CADPS2: variants seen among roughly 807,000 people sequenced by gnomAD.
CADPS2 encodes calcium dependent secretion activator 2.
CADPS2 carries 93 observed loss-of-function variants against 172.5 expected under a neutral mutation model. That is an observed-to-expected ratio of 0.54 (90% CI 0.46 to 0.64). The LOEUF is 0.64. CADPS2 is among the 30% of genes least tolerant of loss of function. The pLI, the probability that CADPS2 is intolerant of heterozygous loss-of-function variation, is 0.00. For synonymous variants in CADPS2, 546 were observed against 555.2 expected, an observed-to-expected ratio of 0.98 and a Z score of 0.23; for missense variants, 1,420 against 1,565.9, an observed-to-expected ratio of 0.91 and a Z score of 1.57.
intron 20 of CADPS2, among the ~76,000 whole-genome samples, chr7:122,394,589 A>T (rs1323893595): frequency 6.6e-6 from 1 of 152,062 alleles, no homozygotes; most frequent in African/African-American, 2.4e-5. Context: ...GAAGACTTAA[A>T]GGGGAGGTTT....
At chr7:122,481,844 C>G (rs2057337119) in intron 11 of CADPS2, among the ~76,000 whole-genome samples, 1 of 152,078 alleles carries the variant, frequency 6.6e-6, no homozygotes, top group South Asian at 2.1e-4. Context: ...AACTCTGTCT[C>G]TACTAAAAAT....
At chr7:122,842,630 G>C (rs1488171398) in intron 1 of CADPS2, among the ~76,000 whole-genome samples, 1 of 151,990 alleles carries the variant, frequency 6.6e-6, no homozygotes, top group Non-Finnish European at 1.5e-5. Context: ...TATTGTATAA[G>C]AAAAACAAAT....
chr7:122,484,408 T>G (rs546495067), intron 11 of CADPS2, among the ~76,000 whole-genome samples: 1 of 152,008 alleles, frequency 6.6e-6, no homozygotes, highest in Admixed American at 6.6e-5. Context: ...CAGGGTACGA[T>G]AATCTCTTCA....
chr7:122,706,535 G>T (rs1020407393), intron 2 of CADPS2, among the ~76,000 whole-genome samples: 1 of 146,994 alleles, frequency 6.8e-6, no homozygotes, highest in Non-Finnish European at 1.5e-5. Context: ...TGGTTCAACT[G>T]GTTCAAAAAG....
intron 6 of CADPS2, among the ~76,000 whole-genome samples, chr7:122,609,019 C>G (rs2073960256): frequency 6.6e-6 from 1 of 151,964 alleles, no homozygotes; most frequent in Non-Finnish European, 1.5e-5. Context: ...GAGACTTCAT[C>G]TCTACAAAAA....
At chr7:122,335,798 G>C (rs950442608) in intron 28 of CADPS2, among the ~76,000 whole-genome samples, 1 of 152,138 alleles carries the variant, frequency 6.6e-6, no homozygotes, top group African/African-American at 2.4e-5. Flanking sequence ...AACAAATAGG[G>C]ATTATTTATC....
At chr7:122,544,582 T>A (rs2063435472) in intron 8 of CADPS2, among the ~76,000 whole-genome samples, 2 of 152,180 alleles carry the variant, frequency 1.3e-5, no homozygotes, top group Non-Finnish European at 2.9e-5. Context: ...GACTCATTCA[T>A]ATGCCTGAAA....
intron 1 of CADPS2, among the ~76,000 whole-genome samples, chr7:122,866,948 T>G (rs1451160764): frequency 6.6e-6 from 1 of 152,194 alleles, no homozygotes; most frequent in Non-Finnish European, 1.5e-5. Context: ...CACATCATGC[T>G]AGCCACCCTG....
chr7:122,668,047 G>A (rs1013136660), intron 2 of CADPS2, among the ~76,000 whole-genome samples: 3 of 152,034 alleles, frequency 2.0e-5, no homozygotes, highest in African/African-American at 7.3e-5. Context: ...CAGCACCAAG[G>A]GTAGACAACA....
chr7:122,750,367 T>C (rs561230453), intron 1 of CADPS2, among the ~76,000 whole-genome samples: 1 of 152,306 alleles, frequency 6.6e-6, no homozygotes, highest in East Asian at 1.9e-4. Flanking sequence ...GAATCCATTA[T>C]TTAACTAAAA....
intron 1 of CADPS2, among the ~76,000 whole-genome samples, chr7:122,820,963 C>A (rs1317986119): frequency 6.6e-6 from 1 of 151,658 alleles, no homozygotes; most frequent in Non-Finnish European, 1.5e-5. Context: ...AACTCACTCT[C>A]TACAGTTCTC....
chr7:122,738,078 G>T (rs2092277031), intron 1 of CADPS2, among the ~76,000 whole-genome samples: 1 of 152,044 alleles, frequency 6.6e-6, no homozygotes, highest in South Asian at 2.1e-4. Context: ...TCTGAACTGG[G>T]GAAGTTTACA....
chr7:122,786,435 G>C (rs574297145), intron 1 of CADPS2, among the ~76,000 whole-genome samples: 5 of 152,168 alleles, frequency 3.3e-5, no homozygotes, highest in Non-Finnish European at 7.3e-5. Context: ...ATAAATTATA[G>C]ATGTTCAGCT....
chr7:122,556,433 CACTT>C (rs1242705847), intron 7 of CADPS2, among the ~76,000 whole-genome samples: 1 of 152,116 alleles, frequency 6.6e-6, no homozygotes, highest in Non-Finnish European at 1.5e-5. Flanking sequence ...TGGCATGAGC[CACTT>C]ACAGACTTTA....
intron 1 of CADPS2, among the ~76,000 whole-genome samples, chr7:122,792,987 CA>C (rs1795605827): frequency 2.0e-5 from 3 of 152,076 alleles, no homozygotes; most frequent in Admixed American, 2.0e-4. Flanking sequence ...GTCCTGAGTG[CA>C]AATGAAAAAA....
In CADPS2 at chr7:122,602,196, GAA is replaced by G. The variant is rs11297289; in HGVS notation, c.1223+12983_1223+12984del. ...AGATCAGAATCATGGCCAAATTAAG[GAA>G]AAAAAAAAAGTTTATTTTTTTCATA... On this transcript the variant is annotated intron_variant, in intron 6 of 29. Coordinates refer to ENST00000449022, the MANE Select transcript of CADPS2 (RefSeq NM_017954.11). Among the ~76,000 whole-genome samples, 319 of 147,762 alleles carry G rather than the reference GAA, an allele frequency of 2.2e-3. 1 individual carries two copies. Among genetic ancestry groups the G allele is most frequent in the African/African-American group, 6.7e-3 (273 of 40,706 alleles).
intron 1 of CADPS2, among the ~76,000 whole-genome samples, chr7:122,831,189 T>A (rs1806432860): frequency 6.6e-6 from 1 of 152,154 alleles, no homozygotes; most frequent in African/African-American, 2.4e-5. Context: ...TTATTATTAT[T>A]CAACTCCTGT....
At chr7:122,333,411 A>C (rs903334928) in intron 28 of CADPS2, among the ~76,000 whole-genome samples, 24 of 152,284 alleles carry the variant, frequency 1.6e-4, no homozygotes, top group African/African-American at 5.5e-4. Flanking sequence ...TAAGGACGGG[A>C]GTAGACAGCT....
intron 27 of CADPS2, among the ~76,000 whole-genome samples, chr7:122,349,905 CAGA>C (rs766548032): frequency 4.8e-4 from 73 of 152,278 alleles, no homozygotes; most frequent in Admixed American, 1.6e-3. Context: ...GATTTAGACA[CAGA>C]AGAAGCTGCT....
Sources: gnomAD v4.1 joint callset for allele counts (sites outside exome capture counted in the v4.1 genomes callset) on GRCh38, gnomAD v4.1.1 for gene constraint, MANE v1.5 for transcripts, NCBI Gene and HGNC (gene_info 2026-07-23, HGNC 2026-07-21) for gene names.